SLIT3: variants seen among roughly 807,000 people sequenced by gnomAD.
SLIT3 encodes the protein slit homolog 3 protein.
In SLIT3, 68 loss-of-function variants were observed where a neutral mutation model predicts 184.0. That is an observed-to-expected ratio of 0.37 (90% CI 0.30 to 0.45). The LOEUF (loss-of-function observed/expected upper bound fraction) is 0.45, where lower values mean the gene tolerates loss of function less well. SLIT3 is among the 20% of genes least tolerant of loss of function. The probability of loss-of-function intolerance (pLI) is 1.00; values close to 1 mark genes in which losing one functional copy is unlikely to be tolerated. For missense variants in SLIT3, 1,707 were observed against 2,026.0 expected (o/e 0.84, Z 3.02); for synonymous variants, 831 against 828.6 (o/e 1.00, Z -0.05).
intron 12 of SLIT3, among the ~76,000 whole-genome samples, chr5:168,775,169 CT>C (rs1485330343): frequency 2.0e-5 from 3 of 152,144 alleles, no homozygotes; most frequent in Non-Finnish European, 2.9e-5. Flanking sequence ...TCCTGAGGAG[CT>C]GGGATTACAG....
chr5:169,070,500 A>G (rs1242694737), intron 4 of SLIT3, among the ~76,000 whole-genome samples: 1 of 152,200 alleles, frequency 6.6e-6, no homozygotes, highest in Non-Finnish European at 1.5e-5. Flanking sequence ...AGGGAAAAGC[A>G]AAAGGCAAAC....
chr5:168,820,071 T>C (rs1183084132), intron 7 of SLIT3, among the ~76,000 whole-genome samples: 2 of 152,196 alleles, frequency 1.3e-5, no homozygotes, highest in Admixed American at 6.5e-5. Context: ...CAATACCATG[T>C]CAAATAGTAA....
intron 4 of SLIT3, among the ~76,000 whole-genome samples, chr5:169,010,415 G>T (rs1756099954): frequency 6.6e-6 from 1 of 152,164 alleles, no homozygotes; most frequent in African/African-American, 2.4e-5. Context: ...TGGTGGCCTG[G>T]AAGGGTAAGG....
intron 4 of SLIT3, among the ~76,000 whole-genome samples, chr5:168,967,435 A>ATTTTTTTTTTT (rs556216624): frequency 4.6e-4 from 14 of 30,754 alleles, no homozygotes; most frequent in Admixed American, 8.8e-4. Context: ...GCCATCTCAA[A>ATTTTTTTTTTT]TCTTTTTTTT....
At chr5:169,021,952 A>G (rs1756616579) in intron 4 of SLIT3, among the ~76,000 whole-genome samples, 1 of 152,222 alleles carries the variant, frequency 6.6e-6, no homozygotes, top group African/African-American at 2.4e-5. Flanking sequence ...AAGTACACAT[A>G]TAGAACACAC....
intron 4 of SLIT3, among the ~76,000 whole-genome samples, chr5:169,189,467 T>A (rs1181657518): frequency 6.9e-6 from 1 of 145,638 alleles, no homozygotes; most frequent in East Asian, 2.0e-4. Context: ...ATTGTTGTGA[T>A]GGTTAAGTCT....
chr5:168,857,151 G>C (rs1397516409), intron 5 of SLIT3, among the ~76,000 whole-genome samples: 1 of 152,088 alleles, frequency 6.6e-6, no homozygotes, highest in South Asian at 2.1e-4. Context: ...GCAAAGGCCA[G>C]CTCTACCCAC....
chr5:168,793,809 G>C (rs1023993820), intron 10 of SLIT3, among the ~76,000 whole-genome samples: 4 of 150,970 alleles, frequency 2.6e-5, no homozygotes, highest in Non-Finnish European at 4.4e-5. Flanking sequence ...TTGGGGGGGG[G>C]GATGCATGGA....
intron 6 of SLIT3, among the ~76,000 whole-genome samples, chr5:168,831,565 T>C (rs996038642): frequency 6.6e-6 from 1 of 152,206 alleles, no homozygotes; most frequent in Non-Finnish European, 1.5e-5. Flanking sequence ...CGTATAGCAG[T>C]CGAGCTCTCA....
chr5:168,960,943 G>A (rs1762983152), intron 4 of SLIT3, among the ~76,000 whole-genome samples: 1 of 152,248 alleles, frequency 6.6e-6, no homozygotes, highest in South Asian at 2.1e-4. Flanking sequence ...TTTGGCAAGA[G>A]CCTGTGTCCT....
chr5:169,179,931 T>C (rs1274129307), intron 4 of SLIT3, among the ~76,000 whole-genome samples: 2 of 152,142 alleles, frequency 1.3e-5, no homozygotes, highest in East Asian at 3.9e-4. Context: ...ACAAAACAGA[T>C]AAAATCCCTG....
chr5:168,717,171 TA>T (rs1444221795), intron 23 of SLIT3, among the ~76,000 whole-genome samples: 2 of 121,418 alleles, frequency 1.6e-5, no homozygotes, highest in African/African-American at 7.1e-5. Flanking sequence ...GTCTTGGGTT[TA>T]AATTCCAACT....
intron 20 of SLIT3, among the ~76,000 whole-genome samples, chr5:168,746,335 G>A (rs1581031027): frequency 8.8e-6 from 1 of 113,380 alleles, no homozygotes; most frequent in Non-Finnish European, 1.9e-5. Flanking sequence ...TGGTGTGTGA[G>A]TGTGGTGGTG....
At chr5:169,090,269 G>A (rs1461467966) in intron 4 of SLIT3, among the ~76,000 whole-genome samples, 1 of 152,114 alleles carries the variant, frequency 6.6e-6, no homozygotes, top group African/African-American at 2.4e-5. Flanking sequence ...AGAGAAGGAG[G>A]AGAAATAATA....
intron 4 of SLIT3, among the ~76,000 whole-genome samples, chr5:168,947,808 A>G (rs1383055493): frequency 6.6e-6 from 1 of 151,982 alleles, no homozygotes; most frequent in East Asian, 1.9e-4. Flanking sequence ...CTTTTTTGAG[A>G]TGGAGTCTTG....
At chr5:168,859,085 G>A (rs888369116) in intron 5 of SLIT3, among the ~76,000 whole-genome samples, 10 of 152,150 alleles carry the variant, frequency 6.6e-5, no homozygotes, top group African/African-American at 1.9e-4. Context: ...CAGCACTAAC[G>A]TTTCCTTTGC....
chr5:168,975,164 A>G (rs1754706549), intron 4 of SLIT3, among the ~76,000 whole-genome samples: 1 of 152,082 alleles, frequency 6.6e-6, no homozygotes, highest in Non-Finnish European at 1.5e-5. Flanking sequence ...TGATGTCCCC[A>G]GCCAGTCCCT....
intron 4 of SLIT3, among the ~76,000 whole-genome samples, chr5:168,886,022 T>G (rs1760192257): frequency 2.6e-5 from 4 of 152,234 alleles, no homozygotes; most frequent in Admixed American, 2.6e-4. Context: ...TAACCAGCCT[T>G]GCTCCTACTT....
Position 168,952,528 on chromosome 5 carries a change from C to CAAAAAAAAAAAAAAAAA in SLIT3, c.414-69209_414-69193dup, listed in dbSNP as rs372134778. 5.8e-4 allele frequency among the ~76,000 whole-genome samples: 45 copies of CAAAAAAAAAAAAAAAAA among 77,912 alleles called. 1 individual carries two copies. Among genetic ancestry groups the CAAAAAAAAAAAAAAAAA allele is most frequent in the African/African-American group, 2.5e-3 (43 of 17,032 alleles). 51.1% of individuals were successfully genotyped at this position (77,912 alleles called of 152,430 possible). On this transcript the variant is annotated intron_variant, in intron 4 of 35. Transcript: ENST00000519560. Reference sequence around the variant, plus strand: ...AATCTCAGAGAAGAAGGGAAAATGCCAAAAAAAAAAAAAAAAAAAAGAGGG... The same window carrying CAAAAAAAAAAAAAAAAA: ...AATCTCAGAGAAGAAGGGAAAATGCCAAAAAAAAAAAAAAAAAAAAAAAAAAAAAAAAAAAAAGAGGG...
Sources: gnomAD v4.1 joint callset for allele counts (sites outside exome capture counted in the v4.1 genomes callset) on GRCh38, gnomAD v4.1.1 for gene constraint, MANE v1.5 for transcripts, NCBI Gene and HGNC (gene_info 2026-07-23, HGNC 2026-07-21) for gene names.